PRDM15: variants seen among roughly 807,000 people sequenced by gnomAD.
PRDM15 encodes the protein PR/SET domain 15, also known as PR domain zinc finger protein 15.
In PRDM15, 64 loss-of-function variants were observed where a neutral mutation model predicts 128.6. That is an observed-to-expected ratio of 0.50 (90% confidence interval 0.41 to 0.61). The LOEUF is 0.61. Ranked by LOEUF, PRDM15 falls within the 20% of genes least tolerant of loss-of-function variation. The pLI is 0.00. For synonymous variants in PRDM15, 615 were observed against 621.8 expected, an observed-to-expected ratio of 0.99 and a Z score of 0.16; for missense variants, 1,242 against 1,569.1, an observed-to-expected ratio of 0.79 and a Z score of 3.52.
chr21:41,859,598 CTGCT>C lies in PRDM15; in HGVS notation c.121_124del (p.Ser41GlyfsTer53), dbSNP rs766244744. 6.2e-7 allele frequency: 1 copy of C among 1,613,908 alleles called. No homozygotes were observed. Among genetic ancestry groups the C allele is most frequent in the Non-Finnish European group, 8.5e-7 (1 of 1,179,892 alleles). On this transcript the variant is annotated frameshift_variant, in exon 3 of 24. Coordinates refer to ENST00000398548, the MANE Select transcript of PRDM15 (RefSeq NM_001040424.3). LOFTEE classifies it high-confidence loss of function. This position sits in a 1 kb window ranked among gnomAD's most constrained non-coding sequence, Gnocchi z 5.3. Reference sequence around the variant, plus strand: ...GCTCACGGCGGTCACTCACCTTGCCCTGCTTAACACAAAGGAGTCTTTGACCATG... The same window carrying C: ...GCTCACGGCGGTCACTCACCTTGCCCTAACACAAAGGAGTCTTTGACCATG...
At chr21:41,858,422 A>G (rs2063706892) in intron 3 of PRDM15, among the ~76,000 whole-genome samples, 1 of 151,590 alleles carries the variant, frequency 6.6e-6, no homozygotes. Flanking sequence ...GGGTGCCCAG[A>G]GCACAGGCCT....
At chr21:41,870,785 G>A (rs1374150673) in intron 1 of PRDM15, 1 of 152,264 alleles carries the variant, frequency 6.6e-6, no homozygotes, top group Admixed American at 6.5e-5. Flanking sequence ...CCACACTGCA[G>A]ACTCCCGGGG....
intron 21 of PRDM15, among the ~76,000 whole-genome samples, chr21:41,806,492 C>A (rs1172592926): frequency 6.2e-5 from 6 of 96,746 alleles, no homozygotes; most frequent in Non-Finnish European, 1.0e-4. Context: ...ACTACCACCA[C>A]CATCACCACC....
At chr21:41,817,560 G>A (rs1287701937) in intron 18 of PRDM15, among the ~76,000 whole-genome samples, 1 of 152,142 alleles carries the variant, frequency 6.6e-6, no homozygotes, top group Non-Finnish European at 1.5e-5. Context: ...TTGCAACACT[G>A]TAATAATAAA....
At chr21:41,827,732 A>T (rs1373368769) in intron 12 of PRDM15, among the ~76,000 whole-genome samples, 1 of 152,152 alleles carries the variant, frequency 6.6e-6, no homozygotes, top group East Asian at 1.9e-4. Context: ...TTTTTTCCAA[A>T]TTTTAATGAA....
At chr21:41,831,160 C>T (rs1224157085) in intron 11 of PRDM15, among the ~76,000 whole-genome samples, 1 of 152,258 alleles carries the variant, frequency 6.6e-6, no homozygotes, top group Non-Finnish European at 1.5e-5. Context: ...TACAAATCCC[C>T]AAAACTGCAC....
intron 21 of PRDM15, among the ~76,000 whole-genome samples, chr21:41,808,706 G>A (rs751337120): frequency 2.6e-5 from 4 of 152,110 alleles, no homozygotes; most frequent in Non-Finnish European, 5.9e-5. Flanking sequence ...TGTATGTGAC[G>A]TGTATTGTGT....
intron 5 of PRDM15, among the ~76,000 whole-genome samples, chr21:41,849,983 C>T (rs1346769407): frequency 2.0e-5 from 3 of 152,144 alleles, no homozygotes; most frequent in African/African-American, 7.2e-5. Flanking sequence ...AAATGCGAAT[C>T]AAATGGCAAC....
chr21:41,805,819 T>A (rs373366937), intron 21 of PRDM15, among the ~76,000 whole-genome samples: 14 of 60,404 alleles, frequency 2.3e-4, no homozygotes, highest in Admixed American at 9.9e-4. Flanking sequence ...TCCATCACCA[T>A]TACCAACACC....
intron 1 of PRDM15, among the ~76,000 whole-genome samples, chr21:41,874,444 A>G (rs1313121560): frequency 6.6e-6 from 1 of 151,296 alleles, no homozygotes; most frequent in African/African-American, 2.4e-5. Context: ...TGGTGCTAAA[A>G]TAACATTTAT....
At position 41,862,220 on chromosome 21, in the gene PRDM15, C is replaced by T. The variant is rs893263481; in HGVS notation, c.-9-1848G>A. Among the ~76,000 whole-genome samples the T allele has an allele frequency of 9.2e-5, 14 of 152,138 alleles. No homozygotes were observed. Among genetic ancestry groups the T allele is most frequent in the African/African-American group, 2.4e-4 (10 of 41,424 alleles). Reference sequence around the variant, plus strand: ...CGTGACTCACGGTCAGGAGCTTGGGCGATGGGAACGATAGGCCTTAAGAGG... The same window carrying T: ...CGTGACTCACGGTCAGGAGCTTGGGTGATGGGAACGATAGGCCTTAAGAGG... On this transcript the variant is annotated intron_variant, in intron 1 of 23. Transcript: ENST00000398548. This position sits in a 1 kb window ranked among gnomAD's most constrained non-coding sequence, Gnocchi z 4.1.
intron 21 of PRDM15, among the ~76,000 whole-genome samples, chr21:41,808,855 T>A (rs1402742489): frequency 6.6e-6 from 1 of 152,224 alleles, no homozygotes; most frequent in Non-Finnish European, 1.5e-5. Flanking sequence ...ACGTTCTTAT[T>A]GTAGGGTTGG....
chr21:41,816,931 G>A lies in PRDM15; in HGVS notation c.2261-1095C>T, dbSNP rs114945460. ...AAAGAGTGCCGGTCACTGCTGACAC[G>A]CCCAGACCCCAGCACTTCCCTCTTC... On this transcript the variant is annotated intron_variant, in intron 18 of 23. Coordinates refer to ENST00000398548, the MANE Select transcript of PRDM15 (RefSeq NM_001040424.3). Among the ~76,000 whole-genome samples the A allele has an allele frequency of 6.6e-3, 984 of 148,164 alleles. 7 individuals carry two copies. The highest frequency in any genetic ancestry group is 0.023 in the African/African-American group (926 of 40,300).
chr21:41,819,632 A>T lies in PRDM15; in HGVS notation c.2210T>A (p.Met737Lys). The T allele has an allele frequency of 6.2e-7, 1 of 1,611,968 alleles. No homozygotes were observed. Among genetic ancestry groups the T allele is most frequent in the Non-Finnish European group, 8.5e-7 (1 of 1,179,508 alleles). ...FARKDMLKEH[M>K]RVHDNVREYL... ...CTCGCGGACATTGTCGTGCACACGC[A>T]TGTGCTCCTTCAGCATGTCCTTCCT... Residue 737 changes from methionine (M) to lysine (K), a missense_variant, in exon 18 of 24, where the codon ATG (methionine) becomes AAG (lysine). This residue lies in a region of PRDM15 where 602 missense variants were observed against 788.3 expected (regional missense o/e 0.76). Coordinates refer to ENST00000398548, the MANE Select transcript of PRDM15 (RefSeq NM_001040424.3).
intron 5 of PRDM15, among the ~76,000 whole-genome samples, chr21:41,852,292 C>T (rs1050175939): frequency 1.3e-5 from 2 of 152,268 alleles, no homozygotes; most frequent in East Asian, 1.9e-4. Context: ...CAAACCCCGG[C>T]GTGGCTGCAG....
At chr21:41,835,965 CCCCGCCCACTCTCCTCCCTCCCCCACAG>C in intron 10 of PRDM15, 120 bp downstream of exon 10, 3 of 275,970 alleles carry the variant, frequency 1.1e-5, no homozygotes, top group Non-Finnish European at 1.5e-5. Flanking sequence ...CCCCCACAGC[CCCCGCCCACTCTCCTCCCTCCCCCACAG>C]CCCCCGCCCA....
At chr21:41,869,885 C>T (rs1601483367) in intron 1 of PRDM15, among the ~76,000 whole-genome samples, 1 of 152,258 alleles carries the variant, frequency 6.6e-6, no homozygotes, top group Non-Finnish European at 1.5e-5. Context: ...TGACTGGCTT[C>T]TGCGCCTCTG....
chr21:41,836,676 A>G, intron 8 of PRDM15, 27 bp from the exon 9 acceptor site: 1 of 1,567,640 alleles, frequency 6.4e-7, no homozygotes, highest in Non-Finnish European at 8.7e-7. Context: ...ATAAGTTGGG[A>G]AAAGACAGGT....
chr21:41,857,776 AC>A (rs984692383), intron 3 of PRDM15, among the ~76,000 whole-genome samples: 2 of 152,202 alleles, frequency 1.3e-5, no homozygotes, highest in African/African-American at 4.8e-5. Flanking sequence ...AAGAAAAAAA[AC>A]AACAGAAGCC....
Sources: gnomAD v4.1 joint callset for allele counts (sites outside exome capture counted in the v4.1 genomes callset) on GRCh38, gnomAD v4.1.1 for gene constraint, gnomAD v4.1.1 regional missense constraint, Gnocchi (gnomAD v3.1) non-coding constraint, MANE v1.5 for transcripts, NCBI Gene and HGNC (gene_info 2026-07-23, HGNC 2026-07-21) for gene names.